ADAMTS17: variants seen among roughly 807,000 people sequenced by gnomAD.
The protein encoded by ADAMTS17 is A disintegrin and metalloproteinase with thrombospondin motifs 17.
A neutral mutation model predicts 141.5 loss-of-function variants in ADAMTS17; 113 were observed. The ratio of observed to expected loss-of-function variants is 0.80; its 90% CI spans 0.69 to 0.93. The LOEUF (loss-of-function observed/expected upper bound fraction) is 0.93, where lower values mean the gene tolerates loss of function less well. ADAMTS17 is among the 40% of genes least tolerant of loss of function. The pLI, the probability that ADAMTS17 is intolerant of heterozygous loss-of-function variation, is 0.00. For missense variants in ADAMTS17, 1,659 were observed against 1,517.9 expected (o/e 1.09, Z -1.54); for synonymous variants, 768 against 630.6 (o/e 1.22, Z -3.27).
At chr15:100,005,128 G>A (rs2061013471) in intron 18 of ADAMTS17, among the ~76,000 whole-genome samples, 1 of 152,186 alleles carries the variant, frequency 6.6e-6, no homozygotes, top group Non-Finnish European at 1.5e-5. Flanking sequence ...TGATCCTCCT[G>A]CGACTCTGCT....
Position 100,048,915 on chromosome 15 carries a change from G to A in ADAMTS17, c.2533C>T (p.Gln845Ter). The A allele has an allele frequency of 2.5e-6, 4 of 1,614,202 alleles. No individual in the cohort carries two copies. The highest frequency in any genetic ancestry group is 1.1e-5 in the South Asian group (1 of 91,080). Residue 845 changes from glutamine (Q) to a stop codon, truncating the protein, a stop_gained, in exon 18 of 22, where the codon CAA (glutamine) becomes TAA (stop). Transcript: ENST00000268070. LOFTEE classifies it high-confidence loss of function. The part of the protein sequence containing the change: ...TTLVNDSDCP[Q>*]ASRPEPQVRR... ...ACCTGGGGCTCTGGGCGGCTTGCTT[G>A]AGGGCAGTCACTGTCGTTCACCAGA... is the stretch of plus-strand genomic sequence containing the variant.
chr15:100,134,620 A>T (rs546124641), intron 10 of ADAMTS17, among the ~76,000 whole-genome samples: 1 of 152,364 alleles, frequency 6.6e-6, no homozygotes, highest in East Asian at 1.9e-4. Flanking sequence ...AATCTCAAAC[A>T]TCTGCATAGA....
At chr15:100,046,253 G>A (rs1179752308) in intron 18 of ADAMTS17, among the ~76,000 whole-genome samples, 8 of 152,062 alleles carry the variant, frequency 5.3e-5, no homozygotes. Context: ...TAGGAGGGCT[G>A]GTCCAATATA....
chr15:100,296,756 G>C (rs1466373055), intron 3 of ADAMTS17, among the ~76,000 whole-genome samples: 2 of 152,200 alleles, frequency 1.3e-5, no homozygotes. Context: ...AATACAGCAG[G>C]CCAGGGTAGG....
chr15:100,240,911 C>T lies in ADAMTS17; in HGVS notation c.1075+13225G>A, dbSNP rs186655227. On this transcript the variant is annotated intron_variant, in intron 7 of 21. Coordinates refer to ENST00000268070, the MANE Select transcript of ADAMTS17 (RefSeq NM_139057.4). ...CAGGATCTCAGCTCACTGCAACCTC[C>T]GCCTCCCGGGTTCAAGCGATTCTCC... Among the ~76,000 whole-genome samples, 136 of 152,230 alleles carry T rather than the reference C, an allele frequency of 8.9e-4. 1 individual carries two copies. The highest frequency in any genetic ancestry group is 3.6e-3 in the Admixed American group (55 of 15,304).
intron 3 of ADAMTS17, among the ~76,000 whole-genome samples, chr15:100,320,223 T>C (rs7172925): frequency 6.6e-6 from 1 of 151,420 alleles, no homozygotes; most frequent in Non-Finnish European, 1.5e-5. Flanking sequence ...GAGGAAAAAA[T>C]AGTAAGATCC....
intron 18 of ADAMTS17, among the ~76,000 whole-genome samples, chr15:100,005,115 T>C (rs879640199): frequency 6.6e-6 from 1 of 152,212 alleles, no homozygotes; most frequent in Non-Finnish European, 1.5e-5. Flanking sequence ...GCACCCCTTC[T>C]CCTGATCCTC....
intron 15 of ADAMTS17, among the ~76,000 whole-genome samples, chr15:100,091,640 C>G (rs2035477520): frequency 1.3e-5 from 2 of 152,194 alleles, no homozygotes; most frequent in Admixed American, 6.5e-5. Context: ...TGTGAGATGT[C>G]TTGGGGCTCC....
At chr15:100,029,826 CTATATGCTGG>C (rs2029949999) in intron 18 of ADAMTS17, among the ~76,000 whole-genome samples, 1 of 152,234 alleles carries the variant, frequency 6.6e-6, no homozygotes, top group Non-Finnish European at 1.5e-5. Context: ...ACCTTCGTTA[CTATATGCTGG>C]TGGTTCTCAA....
At chr15:100,095,415 G>A (rs886071451) in intron 15 of ADAMTS17, among the ~76,000 whole-genome samples, 1 of 152,212 alleles carries the variant, frequency 6.6e-6, no homozygotes, top group Admixed American at 6.5e-5. Context: ...AGAGAAAAGT[G>A]GAGAGGAGAG....
At chr15:100,140,603 T>C (rs561511585) in intron 10 of ADAMTS17, among the ~76,000 whole-genome samples, 20 of 151,824 alleles carry the variant, frequency 1.3e-4, no homozygotes, top group African/African-American at 4.6e-4. Flanking sequence ...CCAGACATCA[T>C]AGAAGTGCTT....
intron 13 of ADAMTS17, 61 bp downstream of exon 13, chr15:100,116,786 T>C (rs534626120): frequency 1.2e-6 from 2 of 1,611,702 alleles, no homozygotes; most frequent in Admixed American, 3.3e-5. Context: ...CCCTAGGTGG[T>C]TTTTATATTC....
intron 8 of ADAMTS17, among the ~76,000 whole-genome samples, chr15:100,175,063 C>T (rs1195471313): frequency 6.6e-6 from 1 of 152,156 alleles, no homozygotes; most frequent in Non-Finnish European, 1.5e-5. Flanking sequence ...TCCTGCCCGC[C>T]AACTCACCCT....
chr15:100,263,580 G>T (rs1243106682), intron 4 of ADAMTS17, among the ~76,000 whole-genome samples: 1 of 152,192 alleles, frequency 6.6e-6, no homozygotes, highest in Non-Finnish European at 1.5e-5. Flanking sequence ...AGGAGTCAAA[G>T]TTGACATGGA....
chr15:100,257,318 C>T (rs1371281401), intron 6 of ADAMTS17, among the ~76,000 whole-genome samples: 2 of 152,242 alleles, frequency 1.3e-5, no homozygotes, highest in South Asian at 2.1e-4. Flanking sequence ...AGTTATTATA[C>T]AAGGCTTCCT....
intron 12 of ADAMTS17, among the ~76,000 whole-genome samples, chr15:100,119,083 C>T (rs532432760): frequency 7.2e-5 from 11 of 152,040 alleles, no homozygotes; most frequent in African/African-American, 2.2e-4. Flanking sequence ...GAGAGACACA[C>T]AAAGAATGCC....
chr15:100,018,447 G>A (rs1045716577), intron 18 of ADAMTS17, among the ~76,000 whole-genome samples: 1 of 152,214 alleles, frequency 6.6e-6, no homozygotes, highest in African/African-American at 2.4e-5. Context: ...GGAGGTGATT[G>A]GATCATAGGG....
rs763982879 is a variant in ADAMTS17 at position 100,190,448 on chromosome 15, T to C, written c.1181+8870A>G. On this transcript the variant is annotated intron_variant, in intron 8 of 21. Transcript: ENST00000268070. ...CAGAACGTGCCATTGAGTGGGCTGG[T>C]GGCAAGGTCCCCAAAGGCATTCAGG... Among the ~76,000 whole-genome samples the C allele has an allele frequency of 3.3e-5, 5 of 152,268 alleles. No homozygotes were observed. The Middle Eastern group carries it at 0.01, about 311-fold the overall frequency.
chr15:100,213,879 G>A (rs750178382), intron 7 of ADAMTS17, among the ~76,000 whole-genome samples: 8 of 152,270 alleles, frequency 5.3e-5, no homozygotes, highest in Non-Finnish European at 1.0e-4. Context: ...CTGAGGGTCA[G>A]ATAGAGGTGC....
Sources: gnomAD v4.1 joint callset for allele counts (sites outside exome capture counted in the v4.1 genomes callset) on GRCh38, gnomAD v4.1.1 for gene constraint, MANE v1.5 for transcripts, NCBI Gene and HGNC (gene_info 2026-07-23, HGNC 2026-07-21) for gene names.